CMSS1: variants seen among roughly 807,000 people sequenced by gnomAD.
CMSS1 encodes the protein cms1 ribosomal small subunit homolog.
Under a neutral mutation model 43.5 loss-of-function variants are expected in CMSS1, and 33 were observed. The ratio of observed to expected loss-of-function variants is 0.76; its 90% confidence interval spans 0.57 to 1.01. The LOEUF (loss-of-function observed/expected upper bound fraction) is 1.01. Ranked by LOEUF, CMSS1 falls within the 50% of genes least tolerant of loss-of-function variation. The pLI is 0.00. For missense variants in CMSS1, 313 were observed against 326.4 expected, an observed-to-expected ratio of 0.96 and a Z score of 0.32; for synonymous variants, 115 against 117.2, an observed-to-expected ratio of 0.98 and a Z score of 0.12.
chr3:100,138,496 G>GA (rs1482496185), intron 1 of CMSS1, among the ~76,000 whole-genome samples: 1 of 151,824 alleles, frequency 6.6e-6, no homozygotes, highest in Non-Finnish European at 1.5e-5. Context: ...AAATTTACAA[G>GA]AAAAAAACAA....
At chr3:99,869,955 C>A (rs539236749) in intron 1 of CMSS1, among the ~76,000 whole-genome samples, 2 of 152,142 alleles carry the variant, frequency 1.3e-5, no homozygotes, top group African/African-American at 4.8e-5. Flanking sequence ...CTCACAGGCC[C>A]AAGTGCTACA....
At chr3:99,974,778 TGTA>T (rs922519276) in intron 1 of CMSS1, among the ~76,000 whole-genome samples, 51 of 149,634 alleles carry the variant, frequency 3.4e-4, no homozygotes, top group African/African-American at 1.3e-3. Flanking sequence ...TTTGATGACA[TGTA>T]GTTAAAATTC....
intron 1 of CMSS1, among the ~76,000 whole-genome samples, chr3:99,978,723 C>T (rs532965038): frequency 1.3e-5 from 2 of 152,132 alleles, no homozygotes; most frequent in South Asian, 2.1e-4. Flanking sequence ...GGCAAAACCC[C>T]GCCTCTTCTA....
intron 1 of CMSS1, among the ~76,000 whole-genome samples, chr3:100,131,739 A>T (rs1285576999): frequency 6.6e-6 from 1 of 152,258 alleles, no homozygotes; most frequent in Non-Finnish European, 1.5e-5. Flanking sequence ...TGGTAGCAAT[A>T]GAAAACTCAT....
intron 1 of CMSS1, among the ~76,000 whole-genome samples, chr3:100,129,700 G>T (rs1422993550): frequency 6.6e-6 from 1 of 152,122 alleles, no homozygotes; most frequent in Non-Finnish European, 1.5e-5. Flanking sequence ...GCTATCCCCA[G>T]CTCTATAAAG....
chr3:99,911,939 C>G (rs1706802174), intron 1 of CMSS1, among the ~76,000 whole-genome samples: 1 of 151,398 alleles, frequency 6.6e-6, no homozygotes, highest in African/African-American at 2.4e-5. Context: ...TTCGTTCTCT[C>G]TTTTTTTTTC....
intron 1 of CMSS1, among the ~76,000 whole-genome samples, chr3:99,828,906 C>G (rs1371410618): frequency 6.6e-6 from 1 of 152,104 alleles, no homozygotes; most frequent in African/African-American, 2.4e-5. Context: ...TCATCCCTCT[C>G]AATGCTGCCT....
chr3:100,120,894 G>T (rs2066613501), intron 1 of CMSS1, among the ~76,000 whole-genome samples: 1 of 152,106 alleles, frequency 6.6e-6, no homozygotes, highest in African/African-American at 2.4e-5. Context: ...CAGGCACCCT[G>T]GCAGGAAAGC....
chr3:100,163,898 G>A (rs569362929), intron 4 of CMSS1, among the ~76,000 whole-genome samples: 8 of 151,446 alleles, frequency 5.3e-5, no homozygotes, highest in East Asian at 3.9e-4. Flanking sequence ...CTTGATTTCC[G>A]TTTTCCATTA....
In CMSS1 at chr3:99,827,560, T is replaced by G. The variant is rs190981638; in HGVS notation, c.64+9517T>G. Among the ~76,000 whole-genome samples the G allele has an allele frequency of 1.5e-4, 23 of 152,298 alleles. No homozygotes were observed. The East Asian group carries it at 3.7e-3, about 24-fold the overall frequency. On this transcript the variant is annotated intron_variant, in intron 1 of 9. Coordinates refer to ENST00000421999, the MANE Select transcript of CMSS1 (RefSeq NM_032359.4). Reference sequence around the variant, plus strand: ...ACTGCATTACCATTTAAAGATGAGTTTCTGCTGGTTCCCATAGAAGTGTCA... The same window carrying G: ...ACTGCATTACCATTTAAAGATGAGTGTCTGCTGGTTCCCATAGAAGTGTCA...
intron 1 of CMSS1, among the ~76,000 whole-genome samples, chr3:99,904,411 G>A (rs1706543772): frequency 6.6e-6 from 1 of 152,170 alleles, no homozygotes; most frequent in South Asian, 2.1e-4. Context: ...TATGAAGGCA[G>A]TGTTTTCAGC....
intron 1 of CMSS1, among the ~76,000 whole-genome samples, chr3:100,067,839 G>C (rs1252512462): frequency 6.6e-6 from 1 of 151,908 alleles, no homozygotes; most frequent in East Asian, 1.9e-4. Context: ...CCACCCAGGA[G>C]GACTCTGGGT....
intron 1 of CMSS1, among the ~76,000 whole-genome samples, chr3:100,062,786 C>T (rs566524181): frequency 6.6e-6 from 1 of 152,280 alleles, no homozygotes; most frequent in East Asian, 1.9e-4. Flanking sequence ...CCTCAGCATT[C>T]GCCCTACACC....
chr3:100,117,825 GTATATATATA>G (rs1166983737), intron 1 of CMSS1, among the ~76,000 whole-genome samples: 26 of 75,140 alleles, frequency 3.5e-4, no homozygotes, highest in Admixed American at 1.2e-3. Context: ...ATAAACTGCA[GTATATATATA>G]TATATATATA....
chr3:99,931,568 C>A (rs1175722781), intron 1 of CMSS1, among the ~76,000 whole-genome samples: 1 of 152,114 alleles, frequency 6.6e-6, no homozygotes, highest in Non-Finnish European at 1.5e-5. Flanking sequence ...AGAATTACTG[C>A]ATTATTTTGT....
intron 1 of CMSS1, among the ~76,000 whole-genome samples, chr3:99,911,588 T>G (rs1454272041): frequency 6.6e-6 from 1 of 151,984 alleles, no homozygotes; most frequent in Non-Finnish European, 1.5e-5. Context: ...CTCCATAAAT[T>G]TATCTTTTTA....
intron 1 of CMSS1, among the ~76,000 whole-genome samples, chr3:100,030,281 A>G (rs1415370676): frequency 6.6e-6 from 1 of 152,104 alleles, no homozygotes; most frequent in Non-Finnish European, 1.5e-5. Flanking sequence ...GGCTTGGATG[A>G]GAAAGGGATC....
At chr3:100,176,471 C>T in intron 9 of CMSS1, 56 bp downstream of exon 9, 3 of 1,145,458 alleles carry the variant, frequency 2.6e-6, no homozygotes, top group Non-Finnish European at 3.9e-6. Context: ...GAACTTGGTT[C>T]AAACACAGTA....
chr3:100,050,090 C>A (rs1440948613), intron 1 of CMSS1, among the ~76,000 whole-genome samples: 1 of 152,152 alleles, frequency 6.6e-6, no homozygotes, highest in Non-Finnish European at 1.5e-5. Flanking sequence ...ATCACACAGA[C>A]TCACCTGTGG....
Sources: gnomAD v4.1 joint callset for allele counts (sites outside exome capture counted in the v4.1 genomes callset) on GRCh38, gnomAD v4.1.1 for gene constraint, MANE v1.5 for transcripts, NCBI Gene and HGNC (gene_info 2026-07-23, HGNC 2026-07-21) for gene names.